SUCLG2: variants seen among roughly 807,000 people sequenced by gnomAD.
The protein encoded by SUCLG2 is succinate-CoA ligase GDP-forming subunit beta, also known as succinate--CoA ligase [GDP-forming] subunit beta, mitochondrial.
In SUCLG2, 42 loss-of-function variants were observed where a neutral mutation model predicts 47.9. That is an observed-to-expected ratio of 0.88 (90% CI 0.69 to 1.14). SUCLG2 has a LOEUF of 1.14. SUCLG2 is among the 50% of genes most tolerant of loss of function. SUCLG2 has a pLI of 0.00. For synonymous variants in SUCLG2, 195 were observed against 197.3 expected (o/e 0.99, Z 0.10); for missense variants, 571 against 525.9 (o/e 1.09, Z -0.84).
intron 9 of SUCLG2, among the ~76,000 whole-genome samples, chr3:67,460,939 G>A (rs1451267397): frequency 1.3e-5 from 2 of 152,178 alleles, no homozygotes; most frequent in South Asian, 2.1e-4. Flanking sequence ...AGAAGGGGAG[G>A]GGAAGTGGAG....
intron 2 of SUCLG2, among the ~76,000 whole-genome samples, chr3:67,551,472 C>T (rs1188029567): frequency 6.6e-6 from 1 of 152,152 alleles, no homozygotes; most frequent in Non-Finnish European, 1.5e-5. Context: ...GCAGAGAACA[C>T]AACACTTGAT....
At chr3:67,653,564 T>C (rs941251308) in intron 1 of SUCLG2, among the ~76,000 whole-genome samples, 1 of 152,210 alleles carries the variant, frequency 6.6e-6, no homozygotes, top group African/African-American at 2.4e-5. Context: ...CTGGTTAAAA[T>C]TGTATGAGTG....
At chr3:67,411,681 C>T (rs149358004) in intron 9 of SUCLG2, among the ~76,000 whole-genome samples, 2 of 152,206 alleles carry the variant, frequency 1.3e-5, no homozygotes, top group Admixed American at 1.3e-4. Flanking sequence ...AATTTCTTTA[C>T]AAAAACAAGT....
At chr3:67,592,304 T>C (rs977736403) in intron 2 of SUCLG2, among the ~76,000 whole-genome samples, 3 of 152,202 alleles carry the variant, frequency 2.0e-5, no homozygotes, top group African/African-American at 7.2e-5. Context: ...TTCATCATTA[T>C]CACATTCAAG....
intron 9 of SUCLG2, among the ~76,000 whole-genome samples, chr3:67,443,032 C>T (rs1482390141): frequency 6.6e-6 from 1 of 152,156 alleles, no homozygotes; most frequent in African/African-American, 2.4e-5. Flanking sequence ...CTGTGCTTAA[C>T]ATGTACAGAC....
intron 2 of SUCLG2, among the ~76,000 whole-genome samples, chr3:67,579,839 T>C (rs528311241): frequency 2.0e-5 from 3 of 152,182 alleles, no homozygotes; most frequent in Non-Finnish European, 2.9e-5. Context: ...TAACTTACCT[T>C]GTTTATAGGA....
intron 2 of SUCLG2, among the ~76,000 whole-genome samples, chr3:67,608,715 G>C (rs1385746337): frequency 1.3e-5 from 2 of 151,284 alleles, no homozygotes; most frequent in Non-Finnish European, 2.9e-5. Flanking sequence ...TCTCACTCTG[G>C]CGCCCAGGCT....
intron 2 of SUCLG2, among the ~76,000 whole-genome samples, chr3:67,554,198 G>A (rs775289175): frequency 7.2e-5 from 11 of 152,082 alleles, no homozygotes; most frequent in Non-Finnish European, 1.5e-4. Flanking sequence ...GGCATCCCGG[G>A]GTTCCCTCAG....
At chr3:67,477,347 C>T (rs527518530) in intron 9 of SUCLG2, among the ~76,000 whole-genome samples, 15 of 152,162 alleles carry the variant, frequency 9.9e-5, no homozygotes, top group Non-Finnish European at 1.8e-4. Flanking sequence ...TTAGTCATCT[C>T]CTGATTCTCA....
chr3:67,534,768 C>CAAAAAAAA lies in SUCLG2; in HGVS notation c.227-5590_227-5583dup, dbSNP rs60612549. ...GGACAGAACTCCCTAACACTGATGG[C>CAAAAAAAA]AAAAAAAAAAAAAAAAAAAAAAAAA... On this transcript the variant is annotated intron_variant, in intron 2 of 10. Transcript: ENST00000307227. Among the ~76,000 whole-genome samples, 27 of 34,946 alleles carry CAAAAAAAA rather than the reference C, an allele frequency of 7.7e-4. 2 individuals are homozygous for CAAAAAAAA. The highest frequency in any genetic ancestry group is 8.8e-4 in the African/African-American group (10 of 11,302). 22.9% of individuals were successfully genotyped at this position (34,946 alleles called of 152,430 possible). A position where few individuals can be genotyped will look rare whatever the true frequency, so the allele number is the denominator to read the frequency against.
intron 9 of SUCLG2, among the ~76,000 whole-genome samples, chr3:67,406,420 C>T (rs1457449759): frequency 6.6e-6 from 1 of 152,092 alleles, no homozygotes; most frequent in Non-Finnish European, 1.5e-5. Context: ...AATGCTAGGT[C>T]CTATGTGAGT....
chr3:67,570,248 G>A (rs1707569355), intron 2 of SUCLG2, among the ~76,000 whole-genome samples: 1 of 152,166 alleles, frequency 6.6e-6, no homozygotes, highest in African/African-American at 2.4e-5. Flanking sequence ...CCACCCAGTG[G>A]GTAGCATTTT....
chr3:67,372,396 CTT>C (rs3038299), downstream of SUCLG2, among the ~76,000 whole-genome samples: 100,188 of 151,564 alleles, frequency 0.66, 33,190 homozygotes, highest in Middle Eastern at 0.83. Flanking sequence ...ACTGCAGTCA[CTT>C]TTTTTTTTCC....
At chr3:67,401,781 T>C (rs554098171) in intron 9 of SUCLG2, among the ~76,000 whole-genome samples, 1 of 152,296 alleles carries the variant, frequency 6.6e-6, no homozygotes, top group South Asian at 2.1e-4. Context: ...GCCACACTAA[T>C]TGTAAAGCAT....
intron 2 of SUCLG2, among the ~76,000 whole-genome samples, chr3:67,587,784 T>C (rs1162137769): frequency 6.6e-6 from 1 of 152,184 alleles, no homozygotes; most frequent in African/African-American, 2.4e-5. Flanking sequence ...CCCTATGGCA[T>C]CATTCATTGA....
intron 2 of SUCLG2, among the ~76,000 whole-genome samples, chr3:67,547,931 C>T (rs985173867): frequency 1.8e-4 from 28 of 152,074 alleles, no homozygotes; most frequent in African/African-American, 6.0e-4. Flanking sequence ...AAGTTTCTAC[C>T]GAAGGACGAC....
intron 9 of SUCLG2, among the ~76,000 whole-genome samples, chr3:67,447,030 G>A (rs1237715859): frequency 6.6e-6 from 1 of 152,116 alleles, no homozygotes; most frequent in African/African-American, 2.4e-5. Flanking sequence ...ATCATCACTA[G>A]TAATTAGCTG....
At chr3:67,510,809 C>T (rs1164139246) in intron 6 of SUCLG2, among the ~76,000 whole-genome samples, 1 of 151,268 alleles carries the variant, frequency 6.6e-6, no homozygotes, top group Non-Finnish European at 1.5e-5. Flanking sequence ...TGTGATTAAA[C>T]ATTTGTAGGA....
intron 2 of SUCLG2, among the ~76,000 whole-genome samples, chr3:67,605,979 G>A (rs1368344250): frequency 6.6e-6 from 1 of 151,988 alleles, no homozygotes; most frequent in African/African-American, 2.4e-5. Flanking sequence ...TTGAGAGGCT[G>A]AGGCAGGAAG....
Sources: gnomAD v4.1 joint callset for allele counts (sites outside exome capture counted in the v4.1 genomes callset) on GRCh38, gnomAD v4.1.1 for gene constraint, MANE v1.5 for transcripts, NCBI Gene and HGNC (gene_info 2026-07-23, HGNC 2026-07-21) for gene names.